Variants in EXOC4 observed in about 807,000 individuals in gnomAD.
EXOC4 encodes the protein SEC8-like 1.
Under a neutral mutation model 107.2 loss-of-function variants are expected in EXOC4, and 71 were observed. That is an observed-to-expected ratio of 0.66 (90% CI 0.55 to 0.81). The LOEUF (loss-of-function observed/expected upper bound fraction) is 0.81. EXOC4 is among the 30% of genes least tolerant of loss of function. The probability of loss-of-function intolerance (pLI) is 0.00; values close to 1 mark genes in which losing one functional copy is unlikely to be tolerated. For missense variants in EXOC4, 1,108 were observed against 1,189.6 expected (o/e 0.93, Z 1.01); for synonymous variants, 456 against 441.2 (o/e 1.03, Z -0.42).
intron 11 of EXOC4, among the ~76,000 whole-genome samples, chr7:133,818,617 G>T (rs1367683743): frequency 6.6e-6 from 1 of 152,132 alleles, no homozygotes; most frequent in African/African-American, 2.4e-5. Context: ...TGTGCCTGGT[G>T]AGGGATCTGT....
Position 133,253,158 on chromosome 7 carries a change from C to T in EXOC4, c.57C>T (p.Asp19=). The change falls in exon 1 of 18, where the codon GAC becomes GAT. Residue 19 remains aspartate (D), a synonymous_variant. Coordinates refer to ENST00000253861, the MANE Select transcript of EXOC4 (RefSeq NM_021807.4). The part of the protein sequence containing the change: ...KYRSTVSKSK[D]PSGLLISVIR... ...GAAGCACAGTCAGCAAAAGCAAAGACCCCTCGGGGCTGCTCATCTCTGTGA... is the reference window on the plus strand; with the variant it reads ...GAAGCACAGTCAGCAAAAGCAAAGATCCCTCGGGGCTGCTCATCTCTGTGA... The T allele has an allele frequency of 1.2e-6, 2 of 1,614,160 alleles. No individual in the cohort carries two copies. The highest frequency in any genetic ancestry group is 1.1e-5 in the South Asian group (1 of 91,080).
intron 15 of EXOC4, 125 bp from the exon 16 acceptor site, chr7:134,004,787 T>A (rs946804245): frequency 5.4e-6 from 4 of 745,930 alleles, no homozygotes; most frequent in African/African-American, 3.5e-5. Context: ...AAGTGTTGGC[T>A]ATCATGGCTA....
At chr7:133,279,927 C>T (rs929223937) in intron 2 of EXOC4, among the ~76,000 whole-genome samples, 7 of 152,088 alleles carry the variant, frequency 4.6e-5, no homozygotes, top group African/African-American at 1.7e-4. Flanking sequence ...TAACTTTCTT[C>T]CCTGATGGTC....
At chr7:133,520,615 A>G (rs1190506301) in intron 9 of EXOC4, among the ~76,000 whole-genome samples, 1 of 152,214 alleles carries the variant, frequency 6.6e-6, no homozygotes, top group Non-Finnish European at 1.5e-5. Flanking sequence ...TATTGAAGTC[A>G]CATTACAAAA....
intron 9 of EXOC4, among the ~76,000 whole-genome samples, chr7:133,537,422 T>C (rs958549541): frequency 6.6e-6 from 1 of 152,032 alleles, no homozygotes; most frequent in African/African-American, 2.4e-5. Context: ...GCCTCCCAAA[T>C]TGCTGGGATT....
At chr7:133,264,599 C>G (rs1468133004) in intron 1 of EXOC4, among the ~76,000 whole-genome samples, 1 of 151,960 alleles carries the variant, frequency 6.6e-6, no homozygotes, top group Admixed American at 6.5e-5. Context: ...TTGAGGGAAG[C>G]CGTATCTTAT....
chr7:133,991,274 T>G (rs935104938), intron 14 of EXOC4, among the ~76,000 whole-genome samples: 1 of 151,784 alleles, frequency 6.6e-6, no homozygotes, highest in Non-Finnish European at 1.5e-5. Flanking sequence ...TTATTTGTTG[T>G]TTTTTTTGTT....
intron 6 of EXOC4, among the ~76,000 whole-genome samples, chr7:133,368,283 G>A (rs1796289728): frequency 6.6e-6 from 1 of 152,166 alleles, no homozygotes. Flanking sequence ...CTGTGGATTA[G>A]GCCTCTTTTG....
chr7:133,637,633 T>C (rs1488883718), intron 10 of EXOC4, among the ~76,000 whole-genome samples: 1 of 152,318 alleles, frequency 6.6e-6, no homozygotes, highest in Admixed American at 6.5e-5. Context: ...ATGCTCAGAA[T>C]TATGAAAAAA....
chr7:133,833,285 A>G (rs1406022273), intron 11 of EXOC4, among the ~76,000 whole-genome samples: 1 of 151,710 alleles, frequency 6.6e-6, no homozygotes, highest in African/African-American at 2.4e-5. Flanking sequence ...AGGTATCTGG[A>G]AACCTGGAAT....
intron 10 of EXOC4, among the ~76,000 whole-genome samples, chr7:133,659,981 G>A (rs1395455607): frequency 1.3e-5 from 2 of 152,084 alleles, no homozygotes; most frequent in African/African-American, 2.4e-5. Context: ...TCTCTTACTA[G>A]CATCCATTTC....
intron 7 of EXOC4, among the ~76,000 whole-genome samples, chr7:133,400,223 A>G (rs1238930969): frequency 3.9e-5 from 6 of 152,224 alleles, no homozygotes; most frequent in Non-Finnish European, 8.8e-5. Flanking sequence ...AATTTCAGCT[A>G]CTAAAGACCT....
intron 3 of EXOC4, among the ~76,000 whole-genome samples, chr7:133,296,975 C>A (rs936721135): frequency 1.3e-5 from 2 of 152,178 alleles, no homozygotes; most frequent in African/African-American, 4.8e-5. Context: ...AACATTGGAA[C>A]TATTGGTGTA....
chr7:133,542,551 G>A (rs1298689134), intron 9 of EXOC4, among the ~76,000 whole-genome samples: 1 of 152,144 alleles, frequency 6.6e-6, no homozygotes, highest in Admixed American at 6.5e-5. Flanking sequence ...TTTTATGACT[G>A]GCCTTGGGGT....
At chr7:133,572,893 G>A (rs1199646750) in intron 9 of EXOC4, among the ~76,000 whole-genome samples, 3 of 152,142 alleles carry the variant, frequency 2.0e-5, no homozygotes, top group Non-Finnish European at 4.4e-5. Context: ...AATAATCTTA[G>A]TTTCCCACTA....
At chr7:133,790,960 G>A (rs757347659) in intron 10 of EXOC4, among the ~76,000 whole-genome samples, 6 of 152,208 alleles carry the variant, frequency 3.9e-5, no homozygotes, top group Admixed American at 6.5e-5. Flanking sequence ...CGATTGAATT[G>A]TCATTACAAA....
At chr7:133,836,307 T>A (rs1338293334) in intron 11 of EXOC4, among the ~76,000 whole-genome samples, 1 of 152,162 alleles carries the variant, frequency 6.6e-6, no homozygotes, top group East Asian at 1.9e-4. Context: ...TGGAAATTAA[T>A]TTCTTCGCTG....
chr7:133,410,279 G>A (rs1484871184), intron 7 of EXOC4, among the ~76,000 whole-genome samples: 1 of 152,064 alleles, frequency 6.6e-6, no homozygotes, highest in African/African-American at 2.4e-5. Flanking sequence ...GAGGAGGGAG[G>A]GAATAAAGCA....
At chr7:133,830,992 T>C (rs1209917404) in intron 11 of EXOC4, among the ~76,000 whole-genome samples, 1 of 151,194 alleles carries the variant, frequency 6.6e-6, no homozygotes, top group Non-Finnish European at 1.5e-5. Context: ...TGAGACAGAG[T>C]CTCGCTCTAT....
Sources: gnomAD v4.1 joint callset for allele counts (sites outside exome capture counted in the v4.1 genomes callset) on GRCh38, gnomAD v4.1.1 for gene constraint, MANE v1.5 for transcripts, NCBI Gene and HGNC (gene_info 2026-07-23, HGNC 2026-07-21) for gene names.